Variants in HECTD4 observed in about 807,000 individuals in gnomAD.
HECTD4 encodes HECT domain E3 ubiquitin protein ligase 4, also known as probable E3 ubiquitin-protein ligase HECTD4.
HECTD4 carries 114 observed loss-of-function variants against 471.5 expected under a neutral mutation model. That is an observed-to-expected ratio of 0.24 (90% CI 0.21 to 0.28). The LOEUF (loss-of-function observed/expected upper bound fraction) is 0.28. Among genes scored for constraint, HECTD4 ranks in the 10% least tolerant of loss-of-function variants. The probability of loss-of-function intolerance (pLI) is 1.00; values close to 1 mark genes in which losing one functional copy is unlikely to be tolerated. For synonymous variants in HECTD4, 2,012 were observed against 2,256.0 expected (o/e 0.89, Z 3.07); for missense variants, 3,866 against 5,651.5 (o/e 0.68, Z 10.13).
At chr12:112,338,205 CT>C (rs1479039876) in intron 1 of HECTD4, among the ~76,000 whole-genome samples, 3 of 152,188 alleles carry the variant, frequency 2.0e-5, no homozygotes, top group Admixed American at 6.6e-5. Flanking sequence ...TTAATCTCTT[CT>C]TTGTGTAATC....
Position 112,160,481 on chromosome 12 carries a change from T to C in HECTD4, c.*1906A>G, listed in dbSNP as rs2030652660. On this transcript the variant is annotated 3_prime_UTR_variant, in exon 76 of 76. Transcript: ENST00000682272. ...AAGTAACTTTACAGCACACATTTTT[T>C]AGGGCCAAGGTTTGGATCTGTCTGG... is the stretch of plus-strand genomic sequence containing the variant. 1 of 152,188 alleles carries C rather than the reference T, an allele frequency of 6.6e-6. No individual in the cohort carries two copies. The highest frequency in any genetic ancestry group is 2.4e-5 in the African/African-American group (1 of 41,448). 9.4% of individuals were successfully genotyped at this position (152,188 alleles called of 1,614,324 possible).
intron 7 of HECTD4, among the ~76,000 whole-genome samples, chr12:112,283,961 T>C (rs998599330): frequency 1.2e-4 from 18 of 151,764 alleles, no homozygotes; most frequent in Admixed American, 8.5e-4. Flanking sequence ...TCTTCTTTTT[T>C]TTTTTTTTTT....
chr12:112,375,811 G>A (rs1340557885), intron 1 of HECTD4, among the ~76,000 whole-genome samples: 1 of 151,682 alleles, frequency 6.6e-6, no homozygotes, highest in Non-Finnish European at 1.5e-5. Context: ...GCTCACGTCT[G>A]TAATCCCAAA....
At chr12:112,340,598 C>T (rs2036037867) in intron 1 of HECTD4, among the ~76,000 whole-genome samples, 1 of 152,040 alleles carries the variant, frequency 6.6e-6, no homozygotes, top group African/African-American at 2.4e-5. Context: ...ACAGGACAGC[C>T]CCACAGCAAA....
chr12:112,216,422 C>T (rs926963269), intron 47 of HECTD4, 51 bp from the exon 48 acceptor site: 30 of 1,242,210 alleles, frequency 2.4e-5, no homozygotes, highest in Non-Finnish European at 3.4e-5. Context: ...ATAAGCCTCA[C>T]TGGCCAACAC....
intron 52 of HECTD4, among the ~76,000 whole-genome samples, chr12:112,206,480 G>A (rs2032585303): frequency 6.6e-6 from 1 of 151,012 alleles, no homozygotes; most frequent in Non-Finnish European, 1.5e-5. Context: ...AGTTAATATA[G>A]AGCGAGACTC....
intron 3 of HECTD4, 132 bp downstream of exon 3, chr12:112,314,325 A>T (rs1469113426): frequency 4.1e-6 from 2 of 483,354 alleles, no homozygotes; most frequent in African/African-American, 4.0e-5. Context: ...TAAGAAGGTA[A>T]ATATGAGTCT....
intron 69 of HECTD4, 169 bp from the exon 70 acceptor site, chr12:112,169,827 C>A: frequency 4.0e-6 from 3 of 746,720 alleles, no homozygotes; most frequent in South Asian, 1.6e-5. Context: ...GCCTTCTGTG[C>A]CTTAGCACTC....
chr12:112,214,875 C>T (rs1215988184), intron 48 of HECTD4, among the ~76,000 whole-genome samples: 6 of 152,030 alleles, frequency 3.9e-5, no homozygotes, highest in Admixed American at 3.3e-4. Context: ...TGCCAGGGGC[C>T]GGGTGTGGTG....
At chr12:112,232,849 A>T (rs2033415060) in intron 38 of HECTD4, among the ~76,000 whole-genome samples, 155 bp downstream of exon 38, 2 of 152,198 alleles carry the variant, frequency 1.3e-5, no homozygotes, top group African/African-American at 4.8e-5. Context: ...TTCTCTTTAA[A>T]ATGGCCTCAG....
intron 18 of HECTD4, among the ~76,000 whole-genome samples, chr12:112,259,884 T>C (rs971186855): frequency 7.9e-5 from 12 of 152,144 alleles, no homozygotes; most frequent in African/African-American, 2.7e-4. Flanking sequence ...CATCCATTAC[T>C]GGTCTAGAGA....
chr12:112,269,249 A>T (rs190649870), intron 13 of HECTD4, among the ~76,000 whole-genome samples: 97 of 152,238 alleles, frequency 6.4e-4, no homozygotes, highest in Non-Finnish European at 1.1e-3. Context: ...ACCTTAGGAA[A>T]ACCTCACAAA....
At chr12:112,207,112 GTGTGTGTATGTATGTATGTA>G (rs2032611401) in intron 52 of HECTD4, among the ~76,000 whole-genome samples, 1 of 143,076 alleles carries the variant, frequency 7.0e-6, no homozygotes, top group African/African-American at 2.8e-5. Context: ...GTATATGTGT[GTGTGTGTATGTATGTATGTA>G]TGTATGTATG....
intron 9 of HECTD4, 126 bp from the exon 10 acceptor site, chr12:112,275,086 T>C (rs1323848085): frequency 1.3e-5 from 8 of 595,514 alleles, no homozygotes; most frequent in Non-Finnish European, 2.3e-5. Flanking sequence ...TTGGTGGTAA[T>C]TGGTGGTAAA....
rs1021144035 is a variant in HECTD4 at position 112,174,438 on chromosome 12, G to T, written c.11594+1298C>A. 7.4e-5 allele frequency among the ~76,000 whole-genome samples: 11 copies of T among 147,778 alleles called. No homozygotes were observed. In the East Asian group the frequency reaches 2.2e-3, roughly 30 times the overall value. On this transcript the variant is annotated intron_variant, in intron 66 of 75. Coordinates refer to ENST00000682272, the MANE Select transcript of HECTD4 (RefSeq NM_001388303.1). ...CTACCACCACACCTGGCTGGTAGTA[G>T]AGACAGGGTTTCACCACGTTGATCA...
At chr12:112,346,295 C>A (rs2036148772) in intron 1 of HECTD4, among the ~76,000 whole-genome samples, 1 of 152,182 alleles carries the variant, frequency 6.6e-6, no homozygotes, top group African/African-American at 2.4e-5. Flanking sequence ...AAATCATATT[C>A]CCCCTATGCC....
At chr12:112,229,484 G>T (rs560049282) in intron 41 of HECTD4, among the ~76,000 whole-genome samples, 4 of 152,196 alleles carry the variant, frequency 2.6e-5, no homozygotes, top group Non-Finnish European at 5.9e-5. Context: ...AAGTATTGTA[G>T]TTAACCTAAG....
At chr12:112,220,750 T>A (rs2033064025) in intron 44 of HECTD4, among the ~76,000 whole-genome samples, 1 of 152,002 alleles carries the variant, frequency 6.6e-6, no homozygotes, top group Admixed American at 6.6e-5. Flanking sequence ...TGAGCTGACA[T>A]CATGCCACTG....
chr12:112,250,408 C>T (rs371020215), intron 24 of HECTD4, 31 bp from the exon 25 acceptor site: 153 of 1,461,678 alleles, frequency 1.0e-4, no homozygotes, highest in Non-Finnish European at 1.4e-4. Flanking sequence ...CTCTTCACTT[C>T]CTCTCTCAAC....
Sources: allele counts gnomAD v4.1 joint callset (sites outside exome capture counted in the v4.1 genomes callset), GRCh38; gene constraint gnomAD v4.1.1; transcripts MANE v1.5; gene names NCBI Gene and HGNC (gene_info 2026-07-23, HGNC 2026-07-21).